USP20: variants seen among roughly 807,000 people sequenced by gnomAD.
USP20 encodes ubiquitin specific peptidase 20.
USP20 carries 80 observed loss-of-function variants against 124.2 expected under a neutral mutation model. The observed-to-expected ratio is 0.64, with a 90% CI of 0.54 to 0.78. USP20 has a LOEUF of 0.78. USP20 is among the 30% of genes least tolerant of loss of function. The pLI, the probability that USP20 is intolerant of heterozygous loss-of-function variation, is 0.00. For missense variants in USP20, 1,043 were observed against 1,244.4 expected (o/e 0.84, Z 2.44); for synonymous variants, 481 against 512.3 (o/e 0.94, Z 0.83).
At chr9:129,865,661 C>CT (rs1196817380) in intron 10 of USP20, among the ~76,000 whole-genome samples, 2 of 151,916 alleles carry the variant, frequency 1.3e-5, no homozygotes, top group African/African-American at 2.4e-5. Context: ...GAGGGGAATT[C>CT]TTTTTTTTGT....
At chr9:129,856,224 C>T (rs1269416312) in intron 3 of USP20, 83 bp from the exon 4 acceptor site, 1 of 1,431,146 alleles carries the variant, frequency 7.0e-7, no homozygotes, top group Non-Finnish European at 9.8e-7. Flanking sequence ...AGGTGGGGCC[C>T]TCCAGGCAGG....
chr9:129,844,346 T>G (rs1411875461), intron 1 of USP20, among the ~76,000 whole-genome samples: 1 of 151,970 alleles, frequency 6.6e-6, no homozygotes, highest in South Asian at 2.1e-4. Flanking sequence ...ATATATCTGG[T>G]TGGGCATGGT....
chr9:129,866,751 G>A (rs1205825903), intron 10 of USP20, among the ~76,000 whole-genome samples: 3 of 152,344 alleles, frequency 2.0e-5, no homozygotes, highest in South Asian at 2.1e-4. Flanking sequence ...AGACTCTTTT[G>A]TGCTTCTGCA....
chr9:129,844,172 A>G (rs944628363), intron 1 of USP20, among the ~76,000 whole-genome samples: 1 of 152,240 alleles, frequency 6.6e-6, no homozygotes, highest in Non-Finnish European at 1.5e-5. Flanking sequence ...TATGATGGAT[A>G]AATAATTCAG....
intron 6 of USP20, among the ~76,000 whole-genome samples, chr9:129,859,655 T>C (rs752011253): frequency 2.0e-5 from 3 of 152,190 alleles, no homozygotes; most frequent in Non-Finnish European, 4.4e-5. Context: ...ACTTGGTAGA[T>C]ATTTATGAAT....
intron 3 of USP20, among the ~76,000 whole-genome samples, chr9:129,853,865 T>C (rs1204309199): frequency 6.6e-6 from 1 of 152,190 alleles, no homozygotes; most frequent in South Asian, 2.1e-4. Flanking sequence ...CAGAAGCCTG[T>C]TAGTGCCTCT....
intron 4 of USP20, among the ~76,000 whole-genome samples, chr9:129,857,443 T>C (rs2033271027): frequency 6.6e-6 from 1 of 152,148 alleles, no homozygotes; most frequent in African/African-American, 2.4e-5. Flanking sequence ...GAGTATGGCA[T>C]TGGCTACTGG....
rs2032987435 is a variant in USP20, at chr9:129,852,625, C to T, written c.70C>T (p.Leu24Phe). 2 of 1,591,716 alleles carry T rather than the reference C, an allele frequency of 1.3e-6. No individual in the cohort carries two copies. Among genetic ancestry groups the T allele is most frequent in the East Asian group, 2.3e-5 (1 of 44,270 alleles). The change falls in exon 3 of 26, where the codon CTC becomes TTC. Residue 24 changes from leucine (L) to phenylalanine (F), a missense_variant. Coordinates refer to ENST00000372429, the MANE Select transcript of USP20 (RefSeq NM_001110303.4). ...AGAGGTGACCAAAGAGGACTTGCTGCTCAAATCTAAGGTAAAGGGTCAGAC... is the reference window on the plus strand; with the variant it reads ...AGAGGTGACCAAAGAGGACTTGCTGTTCAAATCTAAGGTAAAGGGTCAGAC... ...IGEVTKEDLLLKSKGTCQSCG... is the reference protein window; with the variant it reads ...IGEVTKEDLLFKSKGTCQSCG...
At chr9:129,871,445 G>A (rs186522934) in intron 15 of USP20, among the ~76,000 whole-genome samples, 143 of 152,286 alleles carry the variant, frequency 9.4e-4, no homozygotes, top group Non-Finnish European at 1.5e-3. Flanking sequence ...CACTCAGGCC[G>A]CTTCCCTGTT....
rs747042719 is a variant in USP20 at position 129,869,017 on chromosome 9, G to A, written c.1276+15G>A. On this transcript the variant is annotated intron_variant, in intron 12 of 25. Transcript: ENST00000372429. ...GCTCAAGAAAGGTTCGGGGGGCACG[G>A]GAGGGTGGGTCAGCTTGAGGCTGGG... is the stretch of plus-strand genomic sequence containing the variant. 3 of 1,593,648 alleles carry A rather than the reference G, an allele frequency of 1.9e-6. No individual in the cohort carries two copies. The highest frequency in any genetic ancestry group is 1.8e-5 in the Admixed American group (1 of 56,636).
rs1485241837 is a variant in USP20 at position 129,874,916 on chromosome 9, CGGT to C, written c.2014_2016del (p.Val672del). The C allele has an allele frequency of 6.2e-7, 1 of 1,614,114 alleles. No individual in the cohort carries two copies. Among genetic ancestry groups the C allele is most frequent in the Non-Finnish European group, 8.5e-7 (1 of 1,180,034 alleles). On this transcript the variant is annotated inframe_deletion, in exon 19 of 26. Transcript: ENST00000372429. ...CAGTACGTCACAGAAGTCCACGAGA[CGGT>C]GGTGCAGAACGCCGAGGGCTACGTA...
At chr9:129,850,081 T>C (rs2032824107) in intron 2 of USP20, among the ~76,000 whole-genome samples, 157 bp downstream of exon 2, 1 of 152,100 alleles carries the variant, frequency 6.6e-6, no homozygotes, top group Non-Finnish European at 1.5e-5. Context: ...ATCGCCTGTG[T>C]GTCTGGGACT....
chr9:129,869,849 G>A lies in USP20; in HGVS notation c.1565+5G>A, dbSNP rs773196963. 40 of 1,609,616 alleles carry A rather than the reference G, an allele frequency of 2.5e-5. No individual in the cohort carries two copies. The highest frequency in any genetic ancestry group is 9.5e-5 in the African/African-American group (7 of 74,042). ...CATTGTGGAGTACATCCGACGGTGCGCCCACCTTGCCACTACTGGGCGACA... is the reference window on the plus strand; with the variant it reads ...CATTGTGGAGTACATCCGACGGTGCACCCACCTTGCCACTACTGGGCGACA... On this transcript the variant is annotated splice_donor_5th_base_variant and intron_variant, in intron 14 of 25. Coordinates refer to ENST00000372429, the MANE Select transcript of USP20 (RefSeq NM_001110303.4).
intron 22 of USP20, 40 bp downstream of exon 22, chr9:129,876,278 C>A: frequency 6.4e-7 from 1 of 1,551,292 alleles, no homozygotes; most frequent in African/African-American, 1.4e-5. Context: ...CTCTGCCAGC[C>A]TCTGCCTGGG....
At position 129,881,171 on chromosome 9, in the gene USP20, G is replaced by C. The variant is rs1289315172; in HGVS notation, c.*721G>C. 6.6e-6 allele frequency: 1 copy of C among 152,256 alleles called. No homozygotes were observed. The highest frequency in any genetic ancestry group is 2.4e-5 in the African/African-American group (1 of 41,446). 9.4% of individuals were successfully genotyped at this position (152,256 alleles called of 1,614,324 possible). ...GAAGTTCAGCAGTTCATCTTCATGGGAAATTTGCTGAGCCCCCACCAGGGA... is the reference window on the plus strand; with the variant it reads ...GAAGTTCAGCAGTTCATCTTCATGGCAAATTTGCTGAGCCCCCACCAGGGA... On this transcript the variant is annotated 3_prime_UTR_variant, in exon 26 of 26. Transcript: ENST00000372429.
chr9:129,877,750 T>C (rs1368669737), intron 22 of USP20, among the ~76,000 whole-genome samples: 1 of 151,814 alleles, frequency 6.6e-6, no homozygotes, highest in Non-Finnish European at 1.5e-5. Flanking sequence ...TCTGAGCAGA[T>C]AGGCACATTC....
intron 10 of USP20, among the ~76,000 whole-genome samples, chr9:129,867,645 C>T (rs766665412): frequency 6.6e-5 from 10 of 152,244 alleles, no homozygotes; most frequent in East Asian, 3.9e-4. Flanking sequence ...AAAGGTGGCT[C>T]GGGCTTAATG....
intron 6 of USP20, among the ~76,000 whole-genome samples, chr9:129,859,516 C>T (rs10114876): frequency 0.86 from 130,635 of 151,202 alleles, 56,803 homozygotes; most frequent in East Asian, 0.98. Flanking sequence ...TCAAGTGATC[C>T]GCCTGCCTTG....
Position 129,879,701 on chromosome 9 carries a change from G to A in USP20, c.2584+57G>A. The stretch of plus-strand genomic sequence containing the variant: ...CTCTGCCCTTCCTGGCTGCCAGGCT[G>A]CTGCCCAGTCCCGTCCTTCCAGGAG... On this transcript the variant is annotated intron_variant, in intron 24 of 25. Coordinates refer to ENST00000372429, the MANE Select transcript of USP20 (RefSeq NM_001110303.4). This position sits in a 1 kb window ranked among gnomAD's most constrained non-coding sequence, Gnocchi z 4.2. 6.3e-7 allele frequency: 1 copy of A among 1,595,710 alleles called. No individual in the cohort carries two copies. Among genetic ancestry groups the A allele is most frequent in the South Asian group, 1.1e-5 (1 of 90,636 alleles).
Sources: allele counts gnomAD v4.1 joint callset (sites outside exome capture counted in the v4.1 genomes callset), GRCh38; gene constraint gnomAD v4.1.1; non-coding constraint Gnocchi (gnomAD v3.1); transcripts MANE v1.5; gene names NCBI Gene and HGNC (gene_info 2026-07-23, HGNC 2026-07-21).